The following DMD variants were observed in gnomAD, a reference collection of about 807,000 sequenced individuals.
The protein encoded by DMD is dystrophin, also known as mutant dystrophin.
Under a neutral mutation model 330.1 loss-of-function variants are expected in DMD, and 63 were observed. The ratio of observed to expected loss-of-function variants is 0.19; its 90% CI spans 0.16 to 0.24. The LOEUF (loss-of-function observed/expected upper bound fraction) is 0.24. DMD is among the 10% of genes least tolerant of loss of function. The probability of loss-of-function intolerance (pLI) is 1.00; values close to 1 mark genes in which losing one functional copy is unlikely to be tolerated. For missense variants in DMD, 3,344 were observed against 2,684.1 expected (o/e 1.25, Z -5.43); for synonymous variants, 1,223 against 959.8 (o/e 1.27, Z -5.07).
chrX:32,114,802 C>T (rs1180982702), intron 44 of DMD, among the ~76,000 whole-genome samples: 2 of 112,513 alleles, frequency 1.8e-5, no homozygotes, highest in African/African-American at 6.5e-5. Flanking sequence ...CAACAAATGT[C>T]TTTTAATTAG....
At chrX:33,331,687 C>T (rs1004954093) in intron 1 of DMD, among the ~76,000 whole-genome samples, 1 of 111,665 alleles carries the variant, frequency 9.0e-6, no homozygotes, top group Non-Finnish European at 1.9e-5. Flanking sequence ...CAATTAATCT[C>T]TGCGTACCAC....
intron 13 of DMD, among the ~76,000 whole-genome samples, chrX:32,594,406 C>A (rs932235726): frequency 1.8e-5 from 2 of 111,351 alleles, no homozygotes; most frequent in African/African-American, 6.5e-5. Flanking sequence ...GGGCACTCAA[C>A]ACTAATAGGT....
chrX:32,496,886 G>T (rs1230536518), intron 19 of DMD, among the ~76,000 whole-genome samples: 1 of 112,499 alleles, frequency 8.9e-6, no homozygotes. Flanking sequence ...TAAGAGAAGA[G>T]GAAATATATG....
chrX:32,554,931 AAGAAAGAAAG>A lies in DMD; in HGVS notation c.1993-9607_1993-9598del, dbSNP rs1569190827. ...AAAGAAAGAAAGAAAGAAAGAAAGA[AAGAAAGAAAG>A]AGAGAGAGAGGGAGAGAGAAAGAAA... On this transcript the variant is annotated intron_variant, in intron 16 of 78. Transcript: ENST00000357033. 2.4e-4 allele frequency among the ~76,000 whole-genome samples: 7 copies of A among 28,928 alleles called. 1 individual carries two copies. Among genetic ancestry groups the A allele is most frequent in the African/African-American group, 6.1e-4 (2 of 3,272 alleles). The allele number at this position is 28,928 out of a possible 115,157, so 25.1% of individuals were successfully genotyped here. A position where few individuals can be genotyped will look rare whatever the true frequency, so the allele number is the denominator to read the frequency against.
intron 44 of DMD, among the ~76,000 whole-genome samples, chrX:32,001,499 C>T (rs16990012): frequency 0.012 from 1,283 of 109,930 alleles, 25 homozygotes; most frequent in African/African-American, 0.04. Flanking sequence ...TCAGGGAAGA[C>T]GCTAGCGGGT....
At chrX:32,563,300 G>T (rs1419728147) in intron 16 of DMD, among the ~76,000 whole-genome samples, 1 of 96,587 alleles carries the variant, frequency 1.0e-5, no homozygotes. Flanking sequence ...CTGAGATTGT[G>T]CCACTGCACT....
intron 4 of DMD, among the ~76,000 whole-genome samples, chrX:32,842,158 A>G (rs1421273846): frequency 8.9e-6 from 1 of 112,058 alleles, no homozygotes; most frequent in Non-Finnish European, 1.9e-5. Flanking sequence ...TGAGAAAAGA[A>G]GTCCTGAAGA....
intron 62 of DMD, among the ~76,000 whole-genome samples, chrX:31,284,314 A>AGGC (rs1225064795): frequency 1.8e-5 from 2 of 111,640 alleles, no homozygotes; most frequent in Admixed American, 9.5e-5. Flanking sequence ...TCCGCAAATG[A>AGGC]GGAAAGAATA....
intron 44 of DMD, among the ~76,000 whole-genome samples, chrX:31,995,725 T>TA (rs2083722831): frequency 1.9e-5 from 2 of 107,149 alleles, no homozygotes; most frequent in African/African-American, 7.6e-5. Context: ...AAATGAGTTT[T>TA]CTTTTTTGTG....
At chrX:31,234,435 C>T (rs1446426140) in intron 63 of DMD, among the ~76,000 whole-genome samples, 1 of 112,373 alleles carries the variant, frequency 8.9e-6, no homozygotes, top group Non-Finnish European at 1.9e-5. Context: ...AAAATATTGC[C>T]TTAATACACT....
intron 44 of DMD, among the ~76,000 whole-genome samples, chrX:32,085,246 G>A (rs913528615): frequency 5.4e-5 from 6 of 110,384 alleles, no homozygotes; most frequent in Non-Finnish European, 9.5e-5. Flanking sequence ...ATATGTATAT[G>A]CATATGTATG....
At chrX:32,033,137 C>T (rs765047515) in intron 44 of DMD, among the ~76,000 whole-genome samples, 7 of 111,934 alleles carry the variant, frequency 6.3e-5, no homozygotes, top group African/African-American at 2.3e-4. Context: ...CAGACAAATA[C>T]TGCATGATTC....
intron 7 of DMD, among the ~76,000 whole-genome samples, chrX:32,703,229 G>C (rs6631633): frequency 0.029 from 3,229 of 111,601 alleles, 122 homozygotes; most frequent in African/African-American, 0.098. Context: ...CTAAGAATAC[G>C]CTCCTTTCAG....
At chrX:33,219,549 C>G (rs761290031) in intron 1 of DMD, among the ~76,000 whole-genome samples, 3 of 108,220 alleles carry the variant, frequency 2.8e-5, no homozygotes, top group South Asian at 8.0e-4. Context: ...GATTTCAGGA[C>G]TTGGTACTAC....
chrX:31,756,831 AATG>A (rs1314178577), intron 51 of DMD, among the ~76,000 whole-genome samples: 5 of 112,160 alleles, frequency 4.5e-5, no homozygotes, highest in Non-Finnish European at 9.4e-5. Context: ...GTTGGGCAAC[AATG>A]CTATGTCTTT....
intron 29 of DMD, 125 bp from the exon 30 acceptor site, chrX:32,412,038 C>A (rs376210151): frequency 8.4e-7 from 1 of 1,192,229 alleles, no homozygotes; most frequent in South Asian, 1.8e-5. Flanking sequence ...AGACAGATTT[C>A]GCAGCTTCCT....
chrX:32,152,487 C>A (rs1232913021), intron 44 of DMD, among the ~76,000 whole-genome samples: 1 of 111,158 alleles, frequency 9.0e-6, no homozygotes, highest in African/African-American at 3.3e-5. Context: ...AAAAGCCAGG[C>A]TGAAAATGTT....
chrX:31,699,539 A>T (rs1338786462), intron 52 of DMD, among the ~76,000 whole-genome samples: 2 of 112,333 alleles, frequency 1.8e-5, no homozygotes, highest in Non-Finnish European at 3.8e-5. Flanking sequence ...ATTTTTTTGT[A>T]TCTTAAGAGA....
intron 51 of DMD, among the ~76,000 whole-genome samples, chrX:31,755,101 C>T (rs2149145888): frequency 9.2e-6 from 1 of 108,129 alleles, no homozygotes; most frequent in South Asian, 4.1e-4. Context: ...TCAGAAAGGC[C>T]AGTCTCCTGG....
Sources: allele counts gnomAD v4.1 joint callset (sites outside exome capture counted in the v4.1 genomes callset), GRCh38; gene constraint gnomAD v4.1.1; transcripts MANE v1.5; gene names NCBI Gene and HGNC (gene_info 2026-07-23, HGNC 2026-07-21).